The following STIM1 variants were observed in gnomAD, a reference collection of about 807,000 sequenced individuals.
The protein encoded by STIM1 is stromal interaction molecule 1.
In STIM1, 25 loss-of-function variants were observed where a neutral mutation model predicts 74.7. The ratio of observed to expected loss-of-function variants is 0.33; its 90% CI spans 0.24 to 0.47. The LOEUF (loss-of-function observed/expected upper bound fraction) is 0.47, where lower values mean the gene tolerates loss of function less well. Among genes scored for constraint, STIM1 ranks in the 20% least tolerant of loss-of-function variants. STIM1 has a pLI of 1.00. For missense variants in STIM1, 728 were observed against 920.8 expected (o/e 0.79, Z 2.71); for synonymous variants, 328 against 348.8 (o/e 0.94, Z 0.66).
At chr11:3,991,622 T>C (rs2093612096) in intron 2 of STIM1, among the ~76,000 whole-genome samples, 1 of 151,998 alleles carries the variant, frequency 6.6e-6, no homozygotes, top group South Asian at 2.1e-4. Flanking sequence ...CTGGATCGAA[T>C]GGTAGTTCTA....
rs567294104 is a variant in STIM1 at position 3,884,867 on chromosome 11, G to C, written c.139+28458G>C. On this transcript the variant is annotated intron_variant, in intron 1 of 12. Coordinates refer to ENST00000526596, the MANE Select transcript of STIM1 (RefSeq NM_001382567.1). ...AAGTGTTGATAGATGCCACAACATG[G>C]ATAAACCTTGAAAACATTATGCTAA... is the stretch of plus-strand genomic sequence containing the variant. Among the ~76,000 whole-genome samples the C allele has an allele frequency of 6.6e-5, 10 of 152,194 alleles. No individual in the cohort carries two copies. The South Asian group carries it at 1.2e-3, about 19-fold the overall frequency.
intron 1 of STIM1, among the ~76,000 whole-genome samples, chr11:3,927,061 T>C (rs967582726): frequency 2.0e-5 from 3 of 152,232 alleles, no homozygotes; most frequent in African/African-American, 7.2e-5. Flanking sequence ...TTAATCCATA[T>C]TAAGTGCTTG....
At chr11:3,964,609 C>A (rs2093322161) in intron 1 of STIM1, among the ~76,000 whole-genome samples, 1 of 152,084 alleles carries the variant, frequency 6.6e-6, no homozygotes. Context: ...GGCCCCAAAC[C>A]CTAGAGCTTG....
At chr11:4,036,606 G>A (rs368973447) in intron 3 of STIM1, among the ~76,000 whole-genome samples, 9 of 152,334 alleles carry the variant, frequency 5.9e-5, no homozygotes, top group African/African-American at 2.2e-4. Flanking sequence ...CTAATGATCA[G>A]TGACGTTGAG....
At chr11:3,940,370 A>G in intron 1 of STIM1, among the ~76,000 whole-genome samples, 1 of 152,228 alleles carries the variant, frequency 6.6e-6, no homozygotes, top group South Asian at 2.1e-4. Context: ...AATTGTATAC[A>G]TGTAAATATT....
At chr11:3,924,762 T>G (rs1245180303) in intron 1 of STIM1, among the ~76,000 whole-genome samples, 2 of 152,184 alleles carry the variant, frequency 1.3e-5, no homozygotes, top group East Asian at 3.8e-4. Flanking sequence ...AGCAGCTACT[T>G]TTTCGTGGTT....
chr11:4,065,986 C>T (rs750385919), intron 5 of STIM1, among the ~76,000 whole-genome samples: 2 of 152,164 alleles, frequency 1.3e-5, no homozygotes, highest in African/African-American at 2.4e-5. Context: ...TTTCTCAGTG[C>T]TAACTTGTAC....
intron 1 of STIM1, among the ~76,000 whole-genome samples, chr11:3,883,162 T>G (rs1565100328): frequency 6.6e-6 from 1 of 152,216 alleles, no homozygotes; most frequent in South Asian, 2.1e-4. Flanking sequence ...TGTCTCAGCC[T>G]GTGCTCATGC....
chr11:4,035,642 G>T (rs1449532200), intron 3 of STIM1, among the ~76,000 whole-genome samples: 1 of 151,676 alleles, frequency 6.6e-6, no homozygotes, highest in Non-Finnish European at 1.5e-5. Flanking sequence ...ATTTTTTTTA[G>T]ACTTTTTTAG....
At chr11:3,973,243 C>T in intron 2 of STIM1, 1 of 476,998 alleles carries the variant, frequency 2.1e-6, no homozygotes, top group South Asian at 1.6e-5. Flanking sequence ...GTTTCTCCTC[C>T]ATGACCAAAG....
chr11:4,023,517 T>A (rs1246960453), intron 2 of STIM1, among the ~76,000 whole-genome samples: 1 of 152,256 alleles, frequency 6.6e-6, no homozygotes, highest in Middle Eastern at 3.2e-3. Flanking sequence ...CTTAGAATAT[T>A]GCCTAATTTA....
chr11:4,004,243 T>C (rs1447201039), intron 2 of STIM1, among the ~76,000 whole-genome samples: 1 of 152,092 alleles, frequency 6.6e-6, no homozygotes, highest in Non-Finnish European at 1.5e-5. Context: ...AAAACTAAAG[T>C]TCATATGGAA....
intron 3 of STIM1, among the ~76,000 whole-genome samples, chr11:4,043,166 G>A (rs2094161707): frequency 6.6e-6 from 1 of 152,110 alleles, no homozygotes; most frequent in Non-Finnish European, 1.5e-5. Flanking sequence ...TAAAAAATCA[G>A]TGTTCTAAAA....
At chr11:3,900,948 T>G (rs921049121) in intron 1 of STIM1, among the ~76,000 whole-genome samples, 2 of 152,206 alleles carry the variant, frequency 1.3e-5, no homozygotes, top group African/African-American at 4.8e-5. Flanking sequence ...CCCAGCACTT[T>G]GGGAGGCTGA....
rs1192163215 is a variant in STIM1, at chr11:3,895,259, T to C, written c.139+38850T>C. 1.3e-5 allele frequency among the ~76,000 whole-genome samples: 2 copies of C among 152,202 alleles called. 1 individual carries two copies. The highest frequency in any genetic ancestry group is 2.9e-5 in the Non-Finnish European group (2 of 68,038). On this transcript the variant is annotated intron_variant, in intron 1 of 12. Transcript: ENST00000526596. ...CTCCTGGAGCAAAGCCACTTGGCAG[T>C]GTCTCAGCTTCTTGGTGGGACTGGC...
chr11:3,986,213 C>A (rs2135822429), intron 2 of STIM1, among the ~76,000 whole-genome samples: 1 of 152,284 alleles, frequency 6.6e-6, no homozygotes, highest in South Asian at 2.1e-4. Context: ...ATGAGCCCTG[C>A]ATGCTCTGGA....
chr11:4,070,512 C>T (rs1187010926), intron 6 of STIM1, among the ~76,000 whole-genome samples: 12 of 152,202 alleles, frequency 7.9e-5, no homozygotes, highest in African/African-American at 2.9e-4. Flanking sequence ...TTCTGCCTGT[C>T]TCTGGACTGC....
chr11:4,063,969 C>G (rs950552867), intron 5 of STIM1, among the ~76,000 whole-genome samples: 2 of 152,142 alleles, frequency 1.3e-5, no homozygotes, highest in African/African-American at 4.8e-5. Context: ...TTTAGGACTT[C>G]TGTGCTTGGT....
chr11:3,880,570 GT>G (rs1424522120), intron 1 of STIM1, among the ~76,000 whole-genome samples: 1 of 152,210 alleles, frequency 6.6e-6, no homozygotes, highest in Non-Finnish European at 1.5e-5. Flanking sequence ...GAACACAGTT[GT>G]TATTGAGAGA....
Sources: allele counts gnomAD v4.1 joint callset (sites outside exome capture counted in the v4.1 genomes callset), GRCh38; gene constraint gnomAD v4.1.1; transcripts MANE v1.5; gene names NCBI Gene and HGNC (gene_info 2026-07-23, HGNC 2026-07-21).